SEMA6D: variants seen among roughly 807,000 people sequenced by gnomAD.
The protein encoded by SEMA6D is semaphorin 6D.
A neutral mutation model predicts 106.6 loss-of-function variants in SEMA6D; 35 were observed. The ratio of observed to expected loss-of-function variants is 0.33; its 90% CI spans 0.25 to 0.44. SEMA6D has a LOEUF of 0.44. Among genes scored for constraint, SEMA6D ranks in the 20% least tolerant of loss-of-function variants. The pLI is 1.00. For missense variants in SEMA6D, 1,185 were observed against 1,345.9 expected (o/e 0.88, Z 1.87); for synonymous variants, 499 against 487.7 (o/e 1.02, Z -0.31).
chr15:47,686,893 C>G (rs2078481167), intron 4 of SEMA6D, among the ~76,000 whole-genome samples: 1 of 151,812 alleles, frequency 6.6e-6, no homozygotes, highest in Non-Finnish European at 1.5e-5. Context: ...TAGCAAGACC[C>G]CATCTCTATA....
chr15:47,479,718 A>C (rs1015224626), intron 3 of SEMA6D, among the ~76,000 whole-genome samples: 2 of 152,200 alleles, frequency 1.3e-5, no homozygotes, highest in Middle Eastern at 6.8e-3. Context: ...GCCATTTGCT[A>C]TCAAAGGAAT....
chr15:47,635,647 C>T (rs1301925990), intron 4 of SEMA6D, among the ~76,000 whole-genome samples: 1 of 152,088 alleles, frequency 6.6e-6, no homozygotes, highest in Non-Finnish European at 1.5e-5. Flanking sequence ...GTGTTGTCTG[C>T]AATAAGTCCA....
At chr15:47,679,236 C>T (rs973269260) in intron 4 of SEMA6D, among the ~76,000 whole-genome samples, 37 of 152,160 alleles carry the variant, frequency 2.4e-4, no homozygotes, top group African/African-American at 8.4e-4. Flanking sequence ...AAGACCCAGA[C>T]CTGGGACTGA....
At chr15:47,513,122 G>A (rs1271161022) in intron 3 of SEMA6D, among the ~76,000 whole-genome samples, 1 of 151,938 alleles carries the variant, frequency 6.6e-6, no homozygotes, top group Non-Finnish European at 1.5e-5. Context: ...ATGGAAATGG[G>A]GAAATTATGG....
At chr15:47,447,593 C>A (rs1025067968) in intron 2 of SEMA6D, among the ~76,000 whole-genome samples, 1 of 151,988 alleles carries the variant, frequency 6.6e-6, no homozygotes, top group Non-Finnish European at 1.5e-5. Flanking sequence ...CAGACATGGC[C>A]CTATATATTT....
chr15:47,315,100 T>A (rs1299913982), intron 1 of SEMA6D, among the ~76,000 whole-genome samples: 1 of 151,800 alleles, frequency 6.6e-6, no homozygotes, highest in Non-Finnish European at 1.5e-5. Context: ...TCTCCTGACC[T>A]CGTGATCCGC....
At chr15:47,605,532 G>T (rs996508725) in intron 4 of SEMA6D, among the ~76,000 whole-genome samples, 2 of 148,306 alleles carry the variant, frequency 1.3e-5, no homozygotes, top group South Asian at 2.2e-4. Context: ...CCACAAGACT[G>T]CCCCTACTTC....
chr15:47,378,122 G>A lies in SEMA6D; in HGVS notation c.-238-34271G>A, dbSNP rs532416063. Reference sequence around the variant, plus strand: ...TAGAAGCAGTGTCCTTAGCAAGGGTGGCTTCCAAAAGAAGTGTGTTTAAAG... The same window carrying A: ...TAGAAGCAGTGTCCTTAGCAAGGGTAGCTTCCAAAAGAAGTGTGTTTAAAG... On this transcript the variant is annotated intron_variant, in intron 1 of 19. Coordinates refer to the SEMA6D transcript ENST00000558014. Among the ~76,000 whole-genome samples the A allele has an allele frequency of 5.3e-5, 8 of 152,248 alleles. No homozygotes were observed. The East Asian group carries it at 1.5e-3, about 29-fold the overall frequency.
At chr15:47,449,358 A>G (rs373790829) in intron 2 of SEMA6D, among the ~76,000 whole-genome samples, 5 of 152,156 alleles carry the variant, frequency 3.3e-5, no homozygotes, top group South Asian at 2.1e-4. Flanking sequence ...GGTCTAGACA[A>G]TGTTAGGGTG....
intron 1 of SEMA6D, among the ~76,000 whole-genome samples, chr15:47,252,064 C>A (rs569924794): frequency 6.7e-6 from 1 of 149,330 alleles, no homozygotes; most frequent in East Asian, 1.9e-4. Flanking sequence ...TACAGGCGCC[C>A]GCTACCACGC....
chr15:47,200,539 T>C (rs1894653970), intron 1 of SEMA6D, among the ~76,000 whole-genome samples: 1 of 152,196 alleles, frequency 6.6e-6, no homozygotes, highest in African/African-American at 2.4e-5. Context: ...TTTTAGTCAA[T>C]GTTAATTATT....
chr15:47,610,875 C>A (rs1391155904), intron 4 of SEMA6D, among the ~76,000 whole-genome samples: 1 of 152,174 alleles, frequency 6.6e-6, no homozygotes, highest in Non-Finnish European at 1.5e-5. Context: ...ACAGATACTA[C>A]TGTAGCTCAT....
chr15:47,356,180 A>G (rs376906623), intron 1 of SEMA6D, among the ~76,000 whole-genome samples: 20 of 152,316 alleles, frequency 1.3e-4, no homozygotes, highest in African/African-American at 4.3e-4. Context: ...AGTCGGAGAA[A>G]AGAAAAGAGA....
At chr15:47,505,480 T>C (rs2044008868) in intron 3 of SEMA6D, among the ~76,000 whole-genome samples, 4 of 152,144 alleles carry the variant, frequency 2.6e-5, no homozygotes, top group Non-Finnish European at 5.9e-5. Flanking sequence ...ATAAAGAACA[T>C]TTGGGGACAA....
chr15:47,648,971 G>A (rs928984589), intron 4 of SEMA6D, among the ~76,000 whole-genome samples: 20 of 152,172 alleles, frequency 1.3e-4, no homozygotes, highest in African/African-American at 4.3e-4. Flanking sequence ...AACTGAATAT[G>A]TAGTACATCT....
intron 4 of SEMA6D, among the ~76,000 whole-genome samples, chr15:47,650,218 G>A (rs1452867202): frequency 2.0e-5 from 3 of 152,144 alleles, no homozygotes; most frequent in Non-Finnish European, 2.9e-5. Flanking sequence ...CATGTTTGTA[G>A]TTCTCTAAAA....
intron 1 of SEMA6D, among the ~76,000 whole-genome samples, chr15:47,718,048 G>C (rs1555413381): frequency 6.6e-6 from 1 of 151,976 alleles, no homozygotes; most frequent in Non-Finnish European, 1.5e-5. Flanking sequence ...CACCCCCTTG[G>C]AAAAAAAGCG....
intron 4 of SEMA6D, among the ~76,000 whole-genome samples, chr15:47,679,148 C>A (rs2078300095): frequency 6.6e-6 from 1 of 152,172 alleles, no homozygotes; most frequent in Non-Finnish European, 1.5e-5. Context: ...CCTAGACTAA[C>A]TTTTATACTA....
At chr15:47,237,552 G>A (rs570154349) in intron 1 of SEMA6D, among the ~76,000 whole-genome samples, 1 of 151,882 alleles carries the variant, frequency 6.6e-6, no homozygotes, top group Non-Finnish European at 1.5e-5. Flanking sequence ...CCTCTAACTC[G>A]GTGGCCTTAG....
Sources: gnomAD v4.1 joint callset for allele counts (sites outside exome capture counted in the v4.1 genomes callset) on GRCh38, gnomAD v4.1.1 for gene constraint, MANE v1.5 for transcripts, NCBI Gene and HGNC (gene_info 2026-07-23, HGNC 2026-07-21) for gene names.